Variants in LRTM2 observed in about 807,000 individuals in gnomAD.
LRTM2 encodes leucine-rich repeat and transmembrane domain-containing protein 2.
In LRTM2, 18 loss-of-function variants were observed where a neutral mutation model predicts 28.1. That is an observed-to-expected ratio of 0.64 (90% confidence interval 0.44 to 0.95). LRTM2 has a LOEUF of 0.95. Ranked by LOEUF, LRTM2 falls within the 40% of genes least tolerant of loss-of-function variation. The pLI is 0.00. For synonymous variants in LRTM2, 250 were observed against 218.7 expected, an observed-to-expected ratio of 1.14 and a Z score of -1.26; for missense variants, 436 against 497.2, an observed-to-expected ratio of 0.88 and a Z score of 1.17.
intron 1 of LRTM2, among the ~76,000 whole-genome samples, chr12:1,824,218 C>T (rs1372847870): frequency 6.6e-6 from 1 of 152,160 alleles, no homozygotes; most frequent in Non-Finnish European, 1.5e-5. Context: ...TGAGAGGTGC[C>T]CGGCCTAGTC....
chr12:1,834,878 C>T lies in LRTM2; in HGVS notation c.*157C>T, dbSNP rs1864789670. 5 of 1,383,118 alleles carry T rather than the reference C, an allele frequency of 3.6e-6. No homozygotes were observed. The highest frequency in any genetic ancestry group is 2.6e-4 in the Middle Eastern group (1 of 3,796). The allele number at this position is 1,383,118 out of a possible 1,614,324, so 85.7% of individuals were successfully genotyped here. ...CAAGCCACACCGGGTTCTCTCCCTG[C>T]ACTTTCGAGGCTCCCTGAAAGCCAC... On this transcript the variant is annotated 3_prime_UTR_variant, in exon 5 of 5. Coordinates refer to ENST00000299194, the MANE Select transcript of LRTM2 (RefSeq NM_001039029.3). This position sits in a 1 kb window ranked among gnomAD's most constrained non-coding sequence, Gnocchi z 7.6.
At chr12:1,821,765 CG>C (rs1449027482) in intron 1 of LRTM2, among the ~76,000 whole-genome samples, 1 of 152,154 alleles carries the variant, frequency 6.6e-6, no homozygotes, top group African/African-American at 2.4e-5. Context: ...GACCAGGAGT[CG>C]GAAGTTCACA....
chr12:1,826,400 G>GCCCCCCCCCCCCCCCCCCCCC (rs150016230), intron 1 of LRTM2, among the ~76,000 whole-genome samples: 1 of 57,144 alleles, frequency 1.7e-5, no homozygotes, highest in African/African-American at 4.7e-5. Flanking sequence ...TGAACCCAGA[G>GCCCCCCCCCCCCCCCCCCCCC]CCCCCCCCCC....
At chr12:1,825,907 A>G (rs10848581) in intron 1 of LRTM2, among the ~76,000 whole-genome samples, 106,175 of 152,088 alleles carry the variant, frequency 0.7, 37,273 homozygotes, top group East Asian at 0.8. Flanking sequence ...GTGGACTGTG[A>G]GCTCTTGATA....
chr12:1,823,625 C>A (rs948857074), intron 1 of LRTM2, among the ~76,000 whole-genome samples: 1 of 151,906 alleles, frequency 6.6e-6, no homozygotes, highest in Non-Finnish European at 1.5e-5. Context: ...CAGCACACAA[C>A]CCCCAGCCAG....
intron 1 of LRTM2, among the ~76,000 whole-genome samples, chr12:1,825,778 G>A (rs1181967577): frequency 6.6e-6 from 1 of 152,218 alleles, no homozygotes; most frequent in African/African-American, 2.4e-5. Flanking sequence ...GGCCACTGCT[G>A]GGTGACAGTC....
rs1303650041 is a variant in LRTM2 at position 1,834,934 on chromosome 12, C to G, written c.*213C>G. 3.6e-6 allele frequency: 3 copies of G among 843,630 alleles called. No homozygotes were observed. Among genetic ancestry groups the G allele is most frequent in the African/African-American group, 3.4e-5 (2 of 58,210 alleles). The allele number at this position is 843,630 out of a possible 1,614,324, so 52.3% of individuals were successfully genotyped here. On this transcript the variant is annotated 3_prime_UTR_variant, in exon 5 of 5. Transcript: ENST00000299194. The surrounding 1 kb of genome is among the most constrained non-coding windows in gnomAD (Gnocchi z 7.6). ...TGGGGGCTCCTGCTGATGCTCCTGT[C>G]TGGGCCAGTAAATCTTTGGAACATG...
rs1477512919 is a variant in LRTM2, at chr12:1,828,564, G to A, written c.67+349G>A. ...CTGCTGAGTCTTAAACAGCCTCACT[G>A]GTGCCTGAGCTTGTCGGCCTGTGTC... On this transcript the variant is annotated intron_variant, in intron 3 of 4. Coordinates refer to ENST00000299194, the MANE Select transcript of LRTM2 (RefSeq NM_001039029.3). The surrounding 1 kb of genome is among the most constrained non-coding windows in gnomAD (Gnocchi z 4.2). Among the ~76,000 whole-genome samples, 1 of 152,238 alleles carries A rather than the reference G, an allele frequency of 6.6e-6. No individual in the cohort carries two copies. Among genetic ancestry groups the A allele is most frequent in the Non-Finnish European group, 1.5e-5 (1 of 68,046 alleles).
intron 1 of LRTM2, among the ~76,000 whole-genome samples, chr12:1,821,899 G>A (rs1864119593): frequency 6.6e-6 from 1 of 152,048 alleles, no homozygotes; most frequent in Non-Finnish European, 1.5e-5. Context: ...TACTTGGGCA[G>A]TGTCTCTTTG....
In LRTM2 at chr12:1,831,533, C is replaced by G. The variant is rs1375236634; in HGVS notation, c.658+8C>G. ...AGTGGTTCTCCTACCGAGGTGAGCGCAGCCGGCCCTGCTGGGGCCCGAGGG... is the reference window on the plus strand; with the variant it reads ...AGTGGTTCTCCTACCGAGGTGAGCGGAGCCGGCCCTGCTGGGGCCCGAGGG... On this transcript the variant is annotated splice_region_variant and intron_variant, in intron 4 of 4. Coordinates refer to ENST00000299194, the MANE Select transcript of LRTM2 (RefSeq NM_001039029.3). 6.2e-7 allele frequency: 1 copy of G among 1,607,052 alleles called. No individual in the cohort carries two copies. Among genetic ancestry groups the G allele is most frequent in the Non-Finnish European group, 8.5e-7 (1 of 1,175,808 alleles).
intron 1 of LRTM2, among the ~76,000 whole-genome samples, chr12:1,826,406 C>G (rs1050072379): frequency 5.3e-5 from 3 of 56,922 alleles, no homozygotes; most frequent in African/African-American, 9.7e-5. Flanking sequence ...CAGAGCCCCC[C>G]CCCCCCCCCC....
intron 1 of LRTM2, among the ~76,000 whole-genome samples, chr12:1,823,080 TGAGGGGTATG>T (rs1487690304): frequency 5.9e-5 from 9 of 152,174 alleles, no homozygotes; most frequent in African/African-American, 2.2e-4. Context: ...TCTTCCATGC[TGAGGGGTATG>T]GACTCTTGAC....
intron 1 of LRTM2, chr12:1,823,420 GGCT>G (rs143159259): frequency 0.037 from 5,659 of 152,430 alleles, 198 homozygotes; most frequent in African/African-American, 0.086. Flanking sequence ...GAGTGCGTGC[GGCT>G]GTTCCGTGCT....
rs541148706 is a variant in LRTM2, at chr12:1,825,198, G to A, written c.-258-2212G>A. Reference sequence around the variant, plus strand: ...GCCGCCTTCACCAGCCTGTTTGCTGGTTAACTCCTGGGCTCACAGTGTGGG... The same window carrying A: ...GCCGCCTTCACCAGCCTGTTTGCTGATTAACTCCTGGGCTCACAGTGTGGG... On this transcript the variant is annotated intron_variant, in intron 1 of 4. Transcript: ENST00000299194. 1.4e-4 allele frequency among the ~76,000 whole-genome samples: 21 copies of A among 152,336 alleles called. 1 individual carries two copies. The South Asian group carries it at 2.1e-3, about 15-fold the overall frequency.
intron 1 of LRTM2, among the ~76,000 whole-genome samples, chr12:1,826,409 C>CCCG: frequency 4.9e-5 from 3 of 60,718 alleles, no homozygotes; most frequent in Non-Finnish European, 1.3e-4. Context: ...AGCCCCCCCC[C>CCCG]CCCCCCCGCC....
At chr12:1,824,691 C>T (rs887065516) in intron 1 of LRTM2, among the ~76,000 whole-genome samples, 40 of 152,210 alleles carry the variant, frequency 2.6e-4, no homozygotes, top group African/African-American at 8.0e-4. Flanking sequence ...GTGCCTGCTG[C>T]GGCAGCTGCT....
At chr12:1,830,327 T>C (rs970758265) in intron 3 of LRTM2, among the ~76,000 whole-genome samples, 4 of 152,226 alleles carry the variant, frequency 2.6e-5, no homozygotes, top group African/African-American at 9.7e-5. Context: ...GTGGGATTGA[T>C]GGAAACATAA....
Position 1,828,043 on chromosome 12 carries a change from C to A in LRTM2, c.-73-33C>A. Reference sequence around the variant, plus strand: ...CCTGGGCTGGAACGGGGCTCCCGCGCCTGCCTGTGCTCAGTGCTCCTCCCT... The same window carrying A: ...CCTGGGCTGGAACGGGGCTCCCGCGACTGCCTGTGCTCAGTGCTCCTCCCT... On this transcript the variant is annotated intron_variant, in intron 2 of 4. Coordinates refer to ENST00000299194, the MANE Select transcript of LRTM2 (RefSeq NM_001039029.3). This position sits in a 1 kb window ranked among gnomAD's most constrained non-coding sequence, Gnocchi z 4.2. 3 of 1,115,346 alleles carry A rather than the reference C, an allele frequency of 2.7e-6. No homozygotes were observed. Among genetic ancestry groups the A allele is most frequent in the Non-Finnish European group, 3.6e-6 (3 of 826,902 alleles). The allele number at this position is 1,115,346 out of a possible 1,614,324, so 69.1% of individuals were successfully genotyped here. A position where few individuals can be genotyped will look rare whatever the true frequency, so the allele number is the denominator to read the frequency against.
chr12:1,831,644 G>A (rs560620097), intron 4 of LRTM2, 119 bp downstream of exon 4: 34 of 829,996 alleles, frequency 4.1e-5, no homozygotes, highest in Middle Eastern at 5.3e-4. Flanking sequence ...AGAAGGGGGC[G>A]ACCCTGCCTC....
Sources: gnomAD v4.1 joint callset for allele counts (sites outside exome capture counted in the v4.1 genomes callset) on GRCh38, gnomAD v4.1.1 for gene constraint, Gnocchi (gnomAD v3.1) non-coding constraint, MANE v1.5 for transcripts, NCBI Gene and HGNC (gene_info 2026-07-23, HGNC 2026-07-21) for gene names.